The following C16orf46 variants were observed in gnomAD, a reference collection of about 807,000 sequenced individuals.
C16orf46 encodes the protein chromosome 16 open reading frame 46.
In C16orf46, 7 loss-of-function variants were observed where a neutral mutation model predicts 5.5. That is an observed-to-expected ratio of 1.28 (90% CI 0.73 to 2.40). The LOEUF (loss-of-function observed/expected upper bound fraction) is 2.40. C16orf46 is among the 30% of genes most tolerant of loss of function. The pLI, the probability that C16orf46 is intolerant of heterozygous loss-of-function variation, is 0.00. For missense variants in C16orf46, 614 were observed against 476.0 expected, an observed-to-expected ratio of 1.29 and a Z score of -2.70; for synonymous variants, 200 against 184.1, an observed-to-expected ratio of 1.09 and a Z score of -0.70.
At chr16:81,057,332 T>C (rs1318619608), downstream of C16orf46, among the ~76,000 whole-genome samples, 1 of 150,726 alleles carries the variant, frequency 6.6e-6, no homozygotes, top group Non-Finnish European at 1.5e-5. Flanking sequence ...GCGCATCATT[T>C]GAGGTCAGGA....
chr16:81,062,332 G>T (rs961045076), intron 3 of C16orf46, among the ~76,000 whole-genome samples, 194 bp from the exon 4 acceptor site: 3 of 151,412 alleles, frequency 2.0e-5, no homozygotes, highest in African/African-American at 7.3e-5. Flanking sequence ...CTTCAAAGTT[G>T]CAAAGCATGA....
intron 1 of C16orf46, among the ~76,000 whole-genome samples, chr16:81,075,256 C>G (rs1021462761): frequency 1.2e-4 from 2 of 16,318 alleles, no homozygotes; most frequent in Non-Finnish European, 2.8e-4. Flanking sequence ...CTCTCTCTCT[C>G]TCTTTTTTTT....
At chr16:81,075,203 T>C (rs1257755588) in intron 1 of C16orf46, among the ~76,000 whole-genome samples, 2 of 152,212 alleles carry the variant, frequency 1.3e-5, no homozygotes, top group South Asian at 2.1e-4. Flanking sequence ...AGATAGTCTT[T>C]TTTTTTAGAG....
chr16:81,074,141 A>G (rs1412907137), intron 1 of C16orf46, among the ~76,000 whole-genome samples: 2 of 152,202 alleles, frequency 1.3e-5, no homozygotes, highest in Non-Finnish European at 2.9e-5. Context: ...ATTCTTCTCA[A>G]ATGCAAATCT....
At position 81,061,185 on chromosome 16, in the gene C16orf46, A is replaced by C; in HGVS notation, c.1164T>G (p.Pro388=). The change falls in exon 4 of 4, where the codon CCT becomes CCG. Residue 388 remains proline (P), a synonymous_variant. Transcript: ENST00000299578. ...CTCAGAGGATCCTGTGGGTAGAGAC[A>C]GGAATGATAACTCTGCTCACTGTGA... ...PSLTVSRVII[P]VSTHRIL The C allele has an allele frequency of 6.2e-7, 1 of 1,612,424 alleles. No homozygotes were observed. Among genetic ancestry groups the C allele is most frequent in the Non-Finnish European group, 8.5e-7 (1 of 1,179,032 alleles).
intron 2 of C16orf46, among the ~76,000 whole-genome samples, chr16:81,065,147 T>TA (rs1971614641): frequency 6.6e-6 from 1 of 152,160 alleles, no homozygotes; most frequent in Non-Finnish European, 1.5e-5. Flanking sequence ...AGCGATGACT[T>TA]ACTTTTCTGG....
At chr16:81,067,401 T>C (rs1019122459) in intron 1 of C16orf46, among the ~76,000 whole-genome samples, 1 of 152,318 alleles carries the variant, frequency 6.6e-6, no homozygotes, top group South Asian at 2.1e-4. Context: ...TATATTTTTA[T>C]GTAAGCATGA....
At chr16:81,076,940 T>A (rs1972063074) in intron 1 of C16orf46, 196 bp downstream of exon 1, 2 of 152,124 alleles carry the variant, frequency 1.3e-5, no homozygotes, top group East Asian at 3.9e-4. Flanking sequence ...CTTAAAGGGT[T>A]CCGCTCCCAA....
In C16orf46 at chr16:81,065,035, A is replaced by T. The variant is rs945905737; in HGVS notation, c.-38-1042T>A. Among the ~76,000 whole-genome samples, 36 of 33,332 alleles carry T rather than the reference A, an allele frequency of 1.1e-3. No homozygotes were observed. The Non-Finnish European group carries it at 0.026, about 24-fold the overall frequency. 21.9% of individuals were successfully genotyped at this position (33,332 alleles called of 152,430 possible). A position where few individuals can be genotyped will look rare whatever the true frequency, so the allele number is the denominator to read the frequency against. ...TAATGGATGTTTTTCTGGAAAATGC[A>T]CTTGGCATTTAGAATCTAGACAAAG... On this transcript the variant is annotated intron_variant, in intron 2 of 3. Transcript: ENST00000299578.
intron 1 of C16orf46, among the ~76,000 whole-genome samples, chr16:81,070,909 T>C (rs1971827698): frequency 6.6e-6 from 1 of 152,184 alleles, no homozygotes. Flanking sequence ...AACTGGTTTA[T>C]CAGCCTTTGG....
In C16orf46 at chr16:81,061,212, A is replaced by G; in HGVS notation, c.1137T>C (p.Ser379=). ...TKVFPRPVLP[S]LTVSRVIIPV... ...GAATGATAACTCTGCTCACTGTGAG[A>G]GACGGCAAGACAGGTCTTGGGAAAA... The change falls in exon 4 of 4, where the codon TCT becomes TCC. Residue 379 remains serine (S), a synonymous_variant. Transcript: ENST00000299578. 1.9e-6 allele frequency: 3 copies of G among 1,614,008 alleles called. No individual in the cohort carries two copies. Among genetic ancestry groups the G allele is most frequent in the Non-Finnish European group, 2.5e-6 (3 of 1,179,966 alleles).
Position 81,061,965 on chromosome 16 carries a change from G to A in C16orf46, c.384C>T (p.Ser128=), listed in dbSNP as rs377690413. 99 of 1,614,158 alleles carry A rather than the reference G, an allele frequency of 6.1e-5. No individual in the cohort carries two copies. Among genetic ancestry groups the A allele is most frequent in the Admixed American group, 1.5e-4 (9 of 60,024 alleles). Residue 128 remains serine (S), a synonymous_variant, in exon 4 of 4, where the codon AGC becomes AGT. Transcript: ENST00000299578. ...GGGCTGCCTGAGTCTGGGAGGGGCT[G>A]CTCTGATCCTTCTCTGGGCCCCCCT... ...PTEGGPEKDQ[S]SPSQTQAAPQ...
chr16:81,053,994 TG>T, exon 4 of C16orf46: 1 of 1,464,370 alleles, frequency 6.8e-7, no homozygotes, highest in Non-Finnish European at 9.6e-7. Context: ...TTCCATGTCC[TG>T]GGTGAAATAT....
chr16:81,059,494 C>A (rs1971399408), downstream of C16orf46, among the ~76,000 whole-genome samples: 2 of 152,100 alleles, frequency 1.3e-5, no homozygotes, highest in African/African-American at 4.8e-5. Context: ...TATGTAATTA[C>A]AAAGCAGCTT....
At position 81,061,862 on chromosome 16, in the gene C16orf46, G is replaced by T; in HGVS notation, c.487C>A (p.Leu163Met). Residue 163 changes from leucine (L) to methionine (M), a missense_variant, in exon 4 of 4, where the codon CTG (leucine) becomes ATG (methionine). Transcript: ENST00000299578. ...CACCAAATAAACTCCTTGATTTGCA[G>T]ACTTTTTTTCTCTGCTCGAAAGTAG... ...PTYFRAEKKS[L>M]QIKEFIWCNK... 1 of 1,614,224 alleles carries T rather than the reference G, an allele frequency of 6.2e-7. No homozygotes were observed. The highest frequency in any genetic ancestry group is 8.5e-7 in the Non-Finnish European group (1 of 1,180,044).
chr16:81,060,076 C>T (rs1266368203), downstream of C16orf46, among the ~76,000 whole-genome samples: 5 of 152,112 alleles, frequency 3.3e-5, no homozygotes, highest in Non-Finnish European at 7.4e-5. Flanking sequence ...GTGTGAGCCA[C>T]GGCGCCCGGC....
intron 1 of C16orf46, among the ~76,000 whole-genome samples, chr16:81,072,894 G>C (rs1440034319): frequency 6.6e-6 from 1 of 151,386 alleles, no homozygotes; most frequent in Non-Finnish European, 1.5e-5. Context: ...GTAGAAACAG[G>C]GTTTTGGCAT....
At chr16:81,062,510 T>A (rs1971519007) in intron 3 of C16orf46, among the ~76,000 whole-genome samples, 2 of 152,262 alleles carry the variant, frequency 1.3e-5, no homozygotes, top group Admixed American at 1.3e-4. Flanking sequence ...CAAATGCACA[T>A]TTAAATTTGA....
Position 81,061,164 on chromosome 16 carries a change from G to C in C16orf46, c.1185C>G (p.Leu395=). The C allele has an allele frequency of 6.2e-7, 1 of 1,603,318 alleles. No individual in the cohort carries two copies. The highest frequency in any genetic ancestry group is 2.2e-5 in the East Asian group (1 of 44,692). The stretch of plus-strand genomic sequence containing the variant: ...CCAGGGGTTCTACCGCAACCGCTCA[G>C]AGGATCCTGTGGGTAGAGACAGGAA... ...VIIPVSTHRI[L] The change falls in exon 4 of 4, where the codon CTC becomes CTG. Residue 395 remains leucine, a synonymous_variant. Transcript: ENST00000299578.
Sources: gnomAD v4.1 joint callset for allele counts (sites outside exome capture counted in the v4.1 genomes callset) on GRCh38, gnomAD v4.1.1 for gene constraint, MANE v1.5 for transcripts, NCBI Gene and HGNC (gene_info 2026-07-23, HGNC 2026-07-21) for gene names.